The following TDRD5 variants were observed in gnomAD, a reference collection of about 807,000 sequenced individuals.
The protein encoded by TDRD5 is tudor domain-containing protein 5.
In TDRD5, 41 loss-of-function variants were observed where a neutral mutation model predicts 120.6. That is an observed-to-expected ratio of 0.34 (90% CI 0.26 to 0.44). The LOEUF is 0.44. TDRD5 is among the 20% of genes least tolerant of loss of function. The pLI is 1.00. For missense variants in TDRD5, 1,006 were observed against 1,221.2 expected (o/e 0.82, Z 2.63); for synonymous variants, 430 against 433.7 (o/e 0.99, Z 0.11).
intron 17 of TDRD5, among the ~76,000 whole-genome samples, chr1:179,684,946 C>T (rs1330838925): frequency 6.6e-6 from 1 of 152,004 alleles, no homozygotes; most frequent in Non-Finnish European, 1.5e-5. Flanking sequence ...GGATATTAGC[C>T]CTTTGTCAGA....
At chr1:179,665,743 T>C (rs1347412164) in intron 16 of TDRD5, among the ~76,000 whole-genome samples, 1 of 152,134 alleles carries the variant, frequency 6.6e-6, no homozygotes, top group Non-Finnish European at 1.5e-5. Context: ...AAAGGTAAAA[T>C]CTTTACTGTA....
chr1:179,688,241 T>G (rs1234683822), intron 17 of TDRD5, among the ~76,000 whole-genome samples: 1 of 152,182 alleles, frequency 6.6e-6, no homozygotes, highest in Non-Finnish European at 1.5e-5. Flanking sequence ...GCAGGCCTGG[T>G]GGTGACAAAA....
chr1:179,605,351 G>A (rs1212636922), intron 4 of TDRD5, among the ~76,000 whole-genome samples: 1 of 152,120 alleles, frequency 6.6e-6, no homozygotes, highest in East Asian at 1.9e-4. Flanking sequence ...TTTAAGTGGA[G>A]CATTTAGGCC....
At chr1:179,676,804 A>G (rs1040476348) in intron 17 of TDRD5, among the ~76,000 whole-genome samples, 2 of 152,188 alleles carry the variant, frequency 1.3e-5, no homozygotes, top group African/African-American at 4.8e-5. Flanking sequence ...TTGACTTTAA[A>G]TAACTTGATG....
At chr1:179,608,006 G>A (rs1260264121) in intron 4 of TDRD5, among the ~76,000 whole-genome samples, 2 of 151,150 alleles carry the variant, frequency 1.3e-5, no homozygotes, top group South Asian at 2.1e-4. Flanking sequence ...TTATTCATCT[G>A]AAAAAGTCTA....
intron 17 of TDRD5, among the ~76,000 whole-genome samples, chr1:179,677,914 G>T (rs1680220488): frequency 6.6e-6 from 1 of 152,192 alleles, no homozygotes; most frequent in African/African-American, 2.4e-5. Context: ...GGCATACCTG[G>T]TTAAGTACTC....
At chr1:179,659,578 T>A (rs941224411) in intron 14 of TDRD5, among the ~76,000 whole-genome samples, 93 of 143,918 alleles carry the variant, frequency 6.5e-4, no homozygotes, top group African/African-American at 2.3e-3. Flanking sequence ...TGTGTGTGTG[T>A]GTGTGTGTGT....
intron 4 of TDRD5, among the ~76,000 whole-genome samples, chr1:179,599,493 G>C (rs1675579753): frequency 6.6e-6 from 1 of 150,672 alleles, no homozygotes; most frequent in Non-Finnish European, 1.5e-5. Context: ...AACAAATTCA[G>C]TTTCTTTAAC....
In TDRD5 at chr1:179,690,966, A is replaced by T; in HGVS notation, c.*23A>T. 6.3e-7 allele frequency: 1 copy of T among 1,597,162 alleles called. No individual in the cohort carries two copies. Among genetic ancestry groups the T allele is most frequent in the Non-Finnish European group, 8.5e-7 (1 of 1,170,666 alleles). On this transcript the variant is annotated 3_prime_UTR_variant, in exon 18 of 18. Coordinates refer to ENST00000444136, the MANE Select transcript of TDRD5 (RefSeq NM_001199085.3). ...TGAGGGAGGGAGGGAGGAGGGAGAA[A>T]AACAGAATCCAGCCGCTTAGGCTTT... is the stretch of plus-strand genomic sequence containing the variant.
intron 14 of TDRD5, among the ~76,000 whole-genome samples, chr1:179,658,381 A>T (rs888754734): frequency 6.6e-6 from 1 of 152,204 alleles, no homozygotes; most frequent in Admixed American, 6.5e-5. Flanking sequence ...TTATAAAACT[A>T]TCTGGGCCTG....
intron 11 of TDRD5, among the ~76,000 whole-genome samples, chr1:179,645,606 T>C (rs1222149154): frequency 6.6e-6 from 1 of 152,220 alleles, no homozygotes; most frequent in Admixed American, 6.5e-5. Context: ...TAAGGTCAAC[T>C]TTATTGTGTG....
rs759058451 is a variant in TDRD5, at chr1:179,634,569, A to T, written c.1239A>T (p.Gln413His). 1 of 1,613,660 alleles carries T rather than the reference A, an allele frequency of 6.2e-7. No individual in the cohort carries two copies. The highest frequency in any genetic ancestry group is 1.1e-5 in the South Asian group (1 of 91,056). ...TATGGAATTGCCCTTCAAAAAAACA[A>T]AAAGAGCCACAACAGAAGATTTGCA... ...ETVWNCPSKK[Q>H]KEPQQKICKK... Residue 413 changes from glutamine to histidine, a missense_variant, in exon 8 of 18, where the codon CAA becomes CAT. Transcript: ENST00000444136.
At chr1:179,645,070 ATTTTTCTT>A (rs1678267563) in intron 11 of TDRD5, among the ~76,000 whole-genome samples, 1 of 103,316 alleles carries the variant, frequency 9.7e-6, no homozygotes, top group South Asian at 3.1e-4. Flanking sequence ...GTTTATAAAC[ATTTTTCTT>A]TTTTTTTTTT....
chr1:179,691,206 ATTTG>A lies in TDRD5; in HGVS notation c.*267_*270del, dbSNP rs566744826. The A allele has an allele frequency of 8.7e-4, 276 of 318,958 alleles. 2 individuals carry two copies. Among genetic ancestry groups the A allele is most frequent in the Admixed American group, 3.7e-3 (77 of 20,880 alleles). 19.8% of individuals were successfully genotyped at this position (318,958 alleles called of 1,614,324 possible). On this transcript the variant is annotated 3_prime_UTR_variant, in exon 18 of 18. Transcript: ENST00000444136. The stretch of plus-strand genomic sequence containing the variant: ...TTTGTTTTTAATGTAGTTTAAAGGA[ATTTG>A]TTTTTTTGTGTTTGTTTTTCTTGTA...
chr1:179,625,613 G>T (rs144360909), intron 6 of TDRD5, among the ~76,000 whole-genome samples: 2 of 152,132 alleles, frequency 1.3e-5, no homozygotes, highest in Non-Finnish European at 2.9e-5. Flanking sequence ...ACAATTTCTT[G>T]TAAGTGTGTA....
chr1:179,603,879 A>T (rs1446940121), intron 4 of TDRD5, among the ~76,000 whole-genome samples: 1 of 152,002 alleles, frequency 6.6e-6, no homozygotes, highest in African/African-American at 2.4e-5. Flanking sequence ...TATTAGGGTG[A>T]TGCTGGTTTT....
At chr1:179,690,287 CTTGGAA>C (rs1681066855) in intron 17 of TDRD5, among the ~76,000 whole-genome samples, 1 of 152,172 alleles carries the variant, frequency 6.6e-6, no homozygotes, top group African/African-American at 2.4e-5. Flanking sequence ...CTGGCACAGA[CTTGGAA>C]TTGGAACAAC....
rs1414228958 is a variant in TDRD5 at position 179,618,782 on chromosome 1, CTT to C, written c.915+102_915+103del. ...CTGCAAGTATTAATTTACATCTAAT[CTT>C]TAATATACTGCAAACTAAGCAACAA... On this transcript the variant is annotated intron_variant, in intron 5 of 17. Coordinates refer to ENST00000444136, the MANE Select transcript of TDRD5 (RefSeq NM_001199085.3). The C allele has an allele frequency of 4.0e-6, 3 of 745,950 alleles. No individual in the cohort carries two copies. In the Admixed American group the frequency reaches 1.2e-4, roughly 29 times the overall value. 46.2% of individuals were successfully genotyped at this position (745,950 alleles called of 1,614,324 possible).
chr1:179,662,322 C>G (rs370291319), intron 15 of TDRD5, 36 bp downstream of exon 15: 37 of 1,583,862 alleles, frequency 2.3e-5, no homozygotes, highest in Admixed American at 3.7e-5. Context: ...CAAATCAGGC[C>G]GGGCACTGCG....
Sources: gnomAD v4.1 joint callset for allele counts (sites outside exome capture counted in the v4.1 genomes callset) on GRCh38, gnomAD v4.1.1 for gene constraint, MANE v1.5 for transcripts, NCBI Gene and HGNC (gene_info 2026-07-23, HGNC 2026-07-21) for gene names.